DISP2: variants seen among roughly 807,000 people sequenced by gnomAD.
DISP2 encodes protein dispatched homolog 2.
Under a neutral mutation model 95.5 loss-of-function variants are expected in DISP2, and 59 were observed. The observed-to-expected ratio is 0.62, with a 90% CI of 0.50 to 0.77. The LOEUF (loss-of-function observed/expected upper bound fraction) is 0.77. Among genes scored for constraint, DISP2 ranks in the 30% least tolerant of loss-of-function variants. DISP2 has a pLI of 0.00. For missense variants in DISP2, 1,752 were observed against 1,854.6 expected, an observed-to-expected ratio of 0.94 and a Z score of 1.02; for synonymous variants, 827 against 815.0, an observed-to-expected ratio of 1.01 and a Z score of -0.25.
intron 7 of DISP2, 25 bp from the exon 8 acceptor site, chr15:40,367,033 C>A: frequency 6.2e-7 from 1 of 1,602,208 alleles, no homozygotes; most frequent in South Asian, 1.1e-5. Flanking sequence ...CCCCTGAACT[C>A]TCCCCTCCTG....
Position 40,368,886 on chromosome 15 carries a change from A to G in DISP2, c.2774A>G (p.Asn925Ser). The G allele has an allele frequency of 1.9e-6, 3 of 1,613,988 alleles. No homozygotes were observed. Among genetic ancestry groups the G allele is most frequent in the Non-Finnish European group, 2.5e-6 (3 of 1,180,036 alleles). ...PDYNQTQLFY[N>S]EVSHWLAAEL... is the part of the protein sequence containing the mutation. ...TACAACCAGACCCAGCTCTTCTACA[A>G]TGAGGTCAGCCACTGGCTGGCAGCG... The change falls in exon 8 of 8, where the codon AAT becomes AGT. Residue 925 changes from asparagine (N) to serine (S), a missense_variant. Around this residue, in one of 5 missense-constraint regions of DISP2, gnomAD observed 317 missense variants for 394.9 expected, o/e 0.80. Transcript: ENST00000267889.
In DISP2 at chr15:40,376,434, A is replaced by G. The variant is rs1283041377; in HGVS notation, c.*6116A>G. On this transcript the variant is annotated 3_prime_UTR_variant, in exon 8 of 8. Coordinates refer to ENST00000267889, the MANE Select transcript of DISP2 (RefSeq NM_033510.3). ...CAGGAGTTCAACACCAGCCTGGCCA[A>G]CATGGCAAAACCCTGTCTCTACTAA... 3.3e-5 allele frequency: 5 copies of G among 152,368 alleles called. No individual in the cohort carries two copies. Among genetic ancestry groups the G allele is most frequent in the South Asian group, 2.1e-4 (1 of 4,824 alleles). 9.4% of individuals were successfully genotyped at this position (152,368 alleles called of 1,614,324 possible).
At position 40,375,453 on chromosome 15, in the gene DISP2, T is replaced by A. The variant is rs931152494; in HGVS notation, c.*5135T>A. On this transcript the variant is annotated 3_prime_UTR_variant, in exon 8 of 8. Coordinates refer to ENST00000267889, the MANE Select transcript of DISP2 (RefSeq NM_033510.3). ...CCTAGCTAGTATTCATTCTAGCTAC[T>A]AGTTTTGATTATTTGTATTGACTCT... is the stretch of plus-strand genomic sequence containing the variant. The A allele has an allele frequency of 1.3e-5, 2 of 152,066 alleles. No individual in the cohort carries two copies. Among genetic ancestry groups the A allele is most frequent in the African/African-American group, 2.4e-5 (1 of 41,370 alleles). 9.4% of individuals were successfully genotyped at this position (152,066 alleles called of 1,614,324 possible).
At position 40,358,415 on chromosome 15, in the gene DISP2, GC is replaced by G; in HGVS notation, c.98del (p.Pro33GlnfsTer132). The G allele has an allele frequency of 1.5e-6, 2 of 1,333,684 alleles. No homozygotes were observed. The highest frequency in any genetic ancestry group is 1.9e-5 in the South Asian group (1 of 53,354). 82.6% of individuals were successfully genotyped at this position (1,333,684 alleles called of 1,614,324 possible). A position where few individuals can be genotyped will look rare whatever the true frequency, so the allele number is the denominator to read the frequency against. On this transcript the variant is annotated frameshift_variant, in exon 1 of 8. Coordinates refer to ENST00000267889, the MANE Select transcript of DISP2 (RefSeq NM_033510.3). LOFTEE classifies it high-confidence loss of function. ...GCAACGGCCCGAGGGGGAGCCCTTG[GC>G]CCCAGACGGCGGCTCCCCGGACAGG... ...GEQRPEGEPL[A>X]PDGGSPDSTQ...
In DISP2 at chr15:40,367,675, G is replaced by A. The variant is rs767457415; in HGVS notation, c.1563G>A (p.Leu521=). 9 of 1,613,986 alleles carry A rather than the reference G, an allele frequency of 5.6e-6. No homozygotes were observed. Among genetic ancestry groups the A allele is most frequent in the Admixed American group, 3.3e-5 (2 of 60,022 alleles). ...FLTLMVLLGV[L]GSLLVAFFLY... is the part of the protein sequence containing the mutation. Reference sequence around the variant, plus strand: ...CGCTCATGGTGCTGCTGGGGGTGCTGGGCTCACTGCTGGTGGCCTTCTTCC... The same window carrying A: ...CGCTCATGGTGCTGCTGGGGGTGCTAGGCTCACTGCTGGTGGCCTTCTTCC... Residue 521 remains leucine (L), a synonymous_variant, in exon 8 of 8, where the codon CTG becomes CTA. Transcript: ENST00000267889.
chr15:40,363,692 C>T lies in DISP2; in HGVS notation c.187C>T (p.Leu63=). The T allele has an allele frequency of 6.2e-7, 1 of 1,606,268 alleles. No individual in the cohort carries two copies. Among genetic ancestry groups the T allele is most frequent in the Non-Finnish European group, 8.5e-7 (1 of 1,175,576 alleles). Reference sequence around the variant, plus strand: ...AAGCTGCTCCCTCCACAGCTGCCCCCTGGAGGACCCTTCCAGCTCTTCAGG... The same window carrying T: ...AAGCTGCTCCCTCCACAGCTGCCCCTTGGAGGACCCTTCCAGCTCTTCAGG... ...ERSCSLHSCP[L]EDPSSSSGPP... The change falls in exon 2 of 8, where the codon CTG becomes TTG. Residue 63 remains leucine, a synonymous_variant. Transcript: ENST00000267889.
chr15:40,363,293 C>T (rs1889435497), intron 1 of DISP2, among the ~76,000 whole-genome samples: 2 of 136,962 alleles, frequency 1.5e-5, no homozygotes, highest in African/African-American at 5.6e-5. Flanking sequence ...GCCTGGGTGA[C>T]AGAGCGAGAC....
Position 40,359,216 on chromosome 15 carries a change from C to G in DISP2, c.119+776C>G, listed in dbSNP as rs562662990. ...TTCTGTGCCCTGCCTGGCTCTGCCGCCCCCAGAATCCCTCCTCTGACATGA... is the reference window on the plus strand; with the variant it reads ...TTCTGTGCCCTGCCTGGCTCTGCCGGCCCCAGAATCCCTCCTCTGACATGA... On this transcript the variant is annotated intron_variant, in intron 1 of 7. Coordinates refer to ENST00000267889, the MANE Select transcript of DISP2 (RefSeq NM_033510.3). 3.9e-5 allele frequency among the ~76,000 whole-genome samples: 6 copies of G among 152,336 alleles called. No homozygotes were observed. The East Asian group carries it at 1.2e-3, about 29-fold the overall frequency.
intron 1 of DISP2, among the ~76,000 whole-genome samples, chr15:40,358,857 C>T (rs1169155491): frequency 1.3e-5 from 2 of 152,250 alleles, no homozygotes; most frequent in Admixed American, 1.3e-4. Flanking sequence ...ATGGGAGGCT[C>T]GCCAAGGCGG....
In DISP2 at chr15:40,358,245, G is replaced by GCCA; in HGVS notation, c.-75_-74insACC. 4 of 1,008,956 alleles carry GCCA rather than the reference G, an allele frequency of 4.0e-6. No individual in the cohort carries two copies. The highest frequency in any genetic ancestry group is 2.0e-5 in the African/African-American group (1 of 48,854). 62.5% of individuals were successfully genotyped at this position (1,008,956 alleles called of 1,614,324 possible). A position where few individuals can be genotyped will look rare whatever the true frequency, so the allele number is the denominator to read the frequency against. ...TGCGCACGAGCACCCCGCCGCCGCT[G>GCCA]CCGCCGCCACCGCCGCCGCCGCCGC... On this transcript the variant is annotated 5_prime_UTR_variant, in exon 1 of 8. Coordinates refer to ENST00000267889, the MANE Select transcript of DISP2 (RefSeq NM_033510.3).
chr15:40,362,919 G>A (rs1258986754), intron 1 of DISP2, among the ~76,000 whole-genome samples: 1 of 152,200 alleles, frequency 6.6e-6, no homozygotes, highest in South Asian at 2.1e-4. Flanking sequence ...CGGAAGAACT[G>A]GGTTTGAGTA....
In DISP2 at chr15:40,367,844, C is replaced by T. The variant is rs1222286683; in HGVS notation, c.1732C>T (p.Leu578=). Residue 578 remains leucine (L), a synonymous_variant, in exon 8 of 8, where the codon CTG becomes TTG. Coordinates refer to ENST00000267889, the MANE Select transcript of DISP2 (RefSeq NM_033510.3). ...LSKSQLPSGG[L]AQRVGRTMHH... is the part of the protein sequence containing the mutation. ...CAAGAGCCAGCTGCCGTCGGGGGGG[C>T]TGGCGCAGCGCGTGGGCCGCACCAT... The T allele has an allele frequency of 1.9e-6, 3 of 1,600,962 alleles. No homozygotes were observed. The highest frequency in any genetic ancestry group is 1.7e-5 in the Admixed American group (1 of 59,992).
chr15:40,361,459 T>C (rs746564131), intron 1 of DISP2, among the ~76,000 whole-genome samples: 8 of 152,178 alleles, frequency 5.3e-5, no homozygotes, highest in Non-Finnish European at 8.8e-5. Flanking sequence ...ATCAGTTAAT[T>C]CCCACACCAA....
chr15:40,370,739 G>GCC lies in DISP2; in HGVS notation c.*423_*424dup, dbSNP rs1889630505. The GCC allele has an allele frequency of 1.8e-5, 8 of 450,522 alleles. No homozygotes were observed. The highest frequency in any genetic ancestry group is 3.5e-4 in the Middle Eastern group (1 of 2,868). The allele number at this position is 450,522 out of a possible 1,614,324, so 27.9% of individuals were successfully genotyped here. On this transcript the variant is annotated 3_prime_UTR_variant, in exon 8 of 8. Coordinates refer to ENST00000267889, the MANE Select transcript of DISP2 (RefSeq NM_033510.3). ...TCAGGGTTCCTTACTGACCAGAGGA[G>GCC]CCCGCAGCAATCTCCACAGCCTCCT...
At position 40,358,347 on chromosome 15, in the gene DISP2, G is replaced by T; in HGVS notation, c.26G>T (p.Ser9Ile). Residue 9 changes from serine (S) to isoleucine (I), a missense_variant, in exon 1 of 8, where the codon AGC (serine) becomes ATC (isoleucine). Physicochemically the swap from Ser to Ile is moderately radical, Grantham distance 142. This residue lies in a region of DISP2 where 342 missense variants were observed against 364.3 expected (regional missense o/e 0.94). Transcript: ENST00000267889. ...ATGGACGGTGACAGCAGCAGCAGCA[G>T]CGGCGGCAGCGGTCCGGCTCCCGGC... MDGDSSSS[S>I]GGSGPAPGPG... 1 of 1,390,756 alleles carries T rather than the reference G, an allele frequency of 7.2e-7. No individual in the cohort carries two copies. Among genetic ancestry groups the T allele is most frequent in the South Asian group, 1.6e-5 (1 of 64,234 alleles). 86.2% of individuals were successfully genotyped at this position (1,390,756 alleles called of 1,614,324 possible). A position where few individuals can be genotyped will look rare whatever the true frequency, so the allele number is the denominator to read the frequency against.
At chr15:40,361,593 C>T (rs1889406866) in intron 1 of DISP2, among the ~76,000 whole-genome samples, 2 of 152,256 alleles carry the variant, frequency 1.3e-5, no homozygotes, top group South Asian at 4.1e-4. Flanking sequence ...ACCTCCACTG[C>T]TCCCCCATTT....
chr15:40,369,344 C>T lies in DISP2; in HGVS notation c.3232C>T (p.Leu1078=). 1 of 1,613,420 alleles carries T rather than the reference C, an allele frequency of 6.2e-7. No homozygotes were observed. Residue 1078 remains leucine (L), a synonymous_variant, in exon 8 of 8, where the codon CTG becomes TTG. Coordinates refer to ENST00000267889, the MANE Select transcript of DISP2 (RefSeq NM_033510.3). ...CCTGTTTGCGGCAGGCGTGCTCATG[C>T]TGCCTGCCACAGTGCTGCTCTATCG... ...AALFAAGVLM[L]PATVLLYRKL...
rs761110810 is a variant in DISP2 at position 40,364,874 on chromosome 15, T to G, written c.640T>G (p.Leu214Val). 6.2e-7 allele frequency: 1 copy of G among 1,614,122 alleles called. No homozygotes were observed. The highest frequency in any genetic ancestry group is 2.2e-5 in the East Asian group (1 of 44,886). Residue 214 changes from leucine to valine, a missense_variant, in exon 5 of 8, where the codon TTA becomes GTA. This residue lies in a region of DISP2 where 342 missense variants were observed against 364.3 expected (regional missense o/e 0.94). Transcript: ENST00000267889. ...EPRDTDIGSK[L>V]VVWRALQALT... is the part of the protein sequence containing the mutation. ...ACGGGACACAGACATTGGGAGCAAG[T>G]TAGTGGTCTGGAGAGCACTACAAGC...
chr15:40,368,570 CG>C lies in DISP2; in HGVS notation c.2460del (p.Asn821IlefsTer55). ...RWLLALCHRA[R>X]NQSFFDTLQE... ...GCTGCTGGCACTCTGTCACCGGGCC[CG>C]GAATCAGAGCTTCTTCGACACCCTG... On this transcript the variant is annotated frameshift_variant, in exon 8 of 8. Coordinates refer to ENST00000267889, the MANE Select transcript of DISP2 (RefSeq NM_033510.3). LOFTEE classifies it high-confidence loss of function. 1 of 1,604,334 alleles carries C rather than the reference CG, an allele frequency of 6.2e-7. No individual in the cohort carries two copies. Among genetic ancestry groups the C allele is most frequent in the Non-Finnish European group, 8.5e-7 (1 of 1,179,890 alleles).
Sources: allele counts gnomAD v4.1 joint callset (sites outside exome capture counted in the v4.1 genomes callset), GRCh38; gene constraint gnomAD v4.1.1; regional missense constraint gnomAD v4.1.1; transcripts MANE v1.5; gene names NCBI Gene and HGNC (gene_info 2026-07-23, HGNC 2026-07-21).